GRM7: variants seen among roughly 807,000 people sequenced by gnomAD.
GRM7 encodes metabotropic glutamate receptor 7.
In GRM7, 35 loss-of-function variants were observed where a neutral mutation model predicts 84.5. That is an observed-to-expected ratio of 0.41 (90% CI 0.32 to 0.55). The LOEUF is 0.55. Among genes scored for constraint, GRM7 ranks in the 20% least tolerant of loss-of-function variants. The pLI is 0.19. For synonymous variants in GRM7, 487 were observed against 455.1 expected, an observed-to-expected ratio of 1.07 and a Z score of -0.89; for missense variants, 1,003 against 1,194.6, an observed-to-expected ratio of 0.84 and a Z score of 2.36.
At chr3:7,190,821 C>T (rs917379415) in intron 2 of GRM7, among the ~76,000 whole-genome samples, 1 of 152,096 alleles carries the variant, frequency 6.6e-6, no homozygotes, top group Non-Finnish European at 1.5e-5. Flanking sequence ...AGCAGGTGCC[C>T]CTCTTGGCAC....
intron 6 of GRM7, among the ~76,000 whole-genome samples, chr3:7,457,790 G>A (rs935756599): frequency 6.6e-6 from 1 of 152,152 alleles, no homozygotes; most frequent in Non-Finnish European, 1.5e-5. Flanking sequence ...ATGCCCCACT[G>A]ATGGGCCACA....
intron 2 of GRM7, among the ~76,000 whole-genome samples, chr3:7,259,753 A>G (rs952696483): frequency 6.6e-6 from 1 of 152,088 alleles, no homozygotes; most frequent in African/African-American, 2.4e-5. Context: ...GAACATATGC[A>G]GCATGCTTGT....
intron 8 of GRM7, among the ~76,000 whole-genome samples, chr3:7,594,599 A>T (rs1695948014): frequency 6.6e-6 from 1 of 152,148 alleles, no homozygotes; most frequent in Admixed American, 6.6e-5. Context: ...ATTTCCAAAA[A>T]TGCAAAACCT....
At chr3:7,420,221 C>T (rs536888890) in intron 5 of GRM7, among the ~76,000 whole-genome samples, 14 of 152,238 alleles carry the variant, frequency 9.2e-5, no homozygotes, top group Admixed American at 2.0e-4. Context: ...AAAGGAATTA[C>T]GCTTAAAGTC....
chr3:7,542,725 T>G (rs1692947871), intron 7 of GRM7, among the ~76,000 whole-genome samples: 2 of 152,066 alleles, frequency 1.3e-5, no homozygotes, highest in Admixed American at 1.3e-4. Flanking sequence ...TTTTTGTATT[T>G]TTAGTAGAGA....
intron 1 of GRM7, among the ~76,000 whole-genome samples, chr3:6,884,470 T>A (rs940435208): frequency 1.3e-5 from 2 of 152,222 alleles, no homozygotes; most frequent in African/African-American, 4.8e-5. Flanking sequence ...TTAATTTGAT[T>A]AGACACAATC....
chr3:7,446,557 T>G (rs1697522696), intron 5 of GRM7, among the ~76,000 whole-genome samples: 1 of 149,668 alleles, frequency 6.7e-6, no homozygotes, highest in Non-Finnish European at 1.5e-5. Flanking sequence ...ACCTCCTGGG[T>G]TCAAGGCAAT....
At chr3:6,894,660 C>T (rs1403223991) in intron 1 of GRM7, among the ~76,000 whole-genome samples, 1 of 152,030 alleles carries the variant, frequency 6.6e-6, no homozygotes, top group African/African-American at 2.4e-5. Context: ...AACTTGCATC[C>T]TCAGAGCAGG....
intron 5 of GRM7, among the ~76,000 whole-genome samples, chr3:7,437,175 A>T (rs577675757): frequency 2.0e-4 from 30 of 152,306 alleles, no homozygotes; most frequent in African/African-American, 7.2e-4. Flanking sequence ...TTCTACTTTA[A>T]GCTTTTATTT....
chr3:6,975,805 T>C (rs948785581), intron 1 of GRM7, among the ~76,000 whole-genome samples: 4 of 152,142 alleles, frequency 2.6e-5, no homozygotes, highest in Non-Finnish European at 4.4e-5. Context: ...TGAAAAGCAC[T>C]CACAGTTTGA....
chr3:7,299,325 G>T (rs1453889110), intron 3 of GRM7, among the ~76,000 whole-genome samples: 2 of 151,878 alleles, frequency 1.3e-5, no homozygotes, highest in African/African-American at 4.8e-5. Context: ...CTTTTTTCCT[G>T]GTTCCTTGTA....
At chr3:7,450,290 C>T (rs552623186) in intron 5 of GRM7, among the ~76,000 whole-genome samples, 80 of 152,238 alleles carry the variant, frequency 5.3e-4, no homozygotes, top group African/African-American at 1.8e-3. Flanking sequence ...TACTCTGTTG[C>T]TGAGGTTGCA....
At chr3:7,212,111 A>G (rs1223121943) in intron 2 of GRM7, among the ~76,000 whole-genome samples, 1 of 151,660 alleles carries the variant, frequency 6.6e-6, no homozygotes, top group African/African-American at 2.4e-5. Context: ...GAAGTACCAC[A>G]TTCATATGTC....
intron 2 of GRM7, among the ~76,000 whole-genome samples, chr3:7,230,130 C>T (rs912743894): frequency 6.6e-5 from 10 of 151,904 alleles, no homozygotes; most frequent in African/African-American, 1.2e-4. Flanking sequence ...TGAGCCACCG[C>T]GCCTGGCCTC....
intron 1 of GRM7, among the ~76,000 whole-genome samples, chr3:7,020,114 T>C (rs1213455318): frequency 6.6e-6 from 1 of 152,184 alleles, no homozygotes; most frequent in Non-Finnish European, 1.5e-5. Context: ...CCCAAAGTGC[T>C]GGGATTACAG....
At chr3:6,942,830 CAT>C (rs1206069406) in intron 1 of GRM7, among the ~76,000 whole-genome samples, 1 of 152,098 alleles carries the variant, frequency 6.6e-6, no homozygotes, top group African/African-American at 2.4e-5. Context: ...TACCAGTTTA[CAT>C]TTCCATAAGC....
At chr3:7,482,131 T>C (rs1699154035) in intron 7 of GRM7, among the ~76,000 whole-genome samples, 1 of 152,150 alleles carries the variant, frequency 6.6e-6, no homozygotes, top group African/African-American at 2.4e-5. Flanking sequence ...GAGGTTGCAG[T>C]GAGCCGAGAT....
intron 1 of GRM7, among the ~76,000 whole-genome samples, chr3:7,031,046 C>T (rs754870367): frequency 3.3e-5 from 5 of 152,090 alleles, no homozygotes; most frequent in Non-Finnish European, 7.4e-5. Context: ...TTTTATAAGG[C>T]ATATTCATAA....
At chr3:6,940,191 A>C (rs745435155) in intron 1 of GRM7, among the ~76,000 whole-genome samples, 3 of 152,124 alleles carry the variant, frequency 2.0e-5, no homozygotes, top group African/African-American at 4.8e-5. Flanking sequence ...TCCCGGGTTC[A>C]AGCGATACTC....
Sources: allele counts gnomAD v4.1 joint callset (sites outside exome capture counted in the v4.1 genomes callset), GRCh38; gene constraint gnomAD v4.1.1; transcripts MANE v1.5; gene names NCBI Gene and HGNC (gene_info 2026-07-23, HGNC 2026-07-21).